The following OTUD7A variants were observed in gnomAD, a reference collection of about 807,000 sequenced individuals.
OTUD7A encodes OTU domain-containing protein 7A.
In OTUD7A, 12 loss-of-function variants were observed where a neutral mutation model predicts 65.7. The observed-to-expected ratio is 0.18, with a 90% CI of 0.12 to 0.30. The LOEUF (loss-of-function observed/expected upper bound fraction) is 0.30, where lower values mean the gene tolerates loss of function less well. Ranked by LOEUF, OTUD7A falls within the 10% of genes least tolerant of loss-of-function variation. OTUD7A has a pLI of 1.00. For synonymous variants in OTUD7A, 641 were observed against 586.3 expected (o/e 1.09, Z -1.35); for missense variants, 1,148 against 1,304.8 (o/e 0.88, Z 1.85).
At chr15:31,837,372 C>CAAAAAAAAAAAAAAAAA (rs57479397) in intron 1 of OTUD7A, among the ~76,000 whole-genome samples, 1 of 120,322 alleles carries the variant, frequency 8.3e-6, no homozygotes, top group Non-Finnish European at 1.7e-5. Flanking sequence ...ACTAAAAATA[C>CAAAAAAAAAAAAAAAAA]AAAAAAAAAA....
At chr15:31,818,878 T>C (rs1409393196) in intron 1 of OTUD7A, among the ~76,000 whole-genome samples, 1 of 152,144 alleles carries the variant, frequency 6.6e-6, no homozygotes, top group Admixed American at 6.5e-5. Context: ...GGTGGAGAGT[T>C]TGGTAAAACT....
intron 1 of OTUD7A, among the ~76,000 whole-genome samples, chr15:31,786,065 A>G (rs1041050295): frequency 6.6e-6 from 1 of 152,098 alleles, no homozygotes; most frequent in African/African-American, 2.4e-5. Flanking sequence ...AGAGGAAGAG[A>G]GACCTGAGCC....
At chr15:31,626,540 A>C (rs1243113084) in intron 3 of OTUD7A, among the ~76,000 whole-genome samples, 1 of 152,112 alleles carries the variant, frequency 6.6e-6, no homozygotes, top group Non-Finnish European at 1.5e-5. Context: ...AGCTAGAAAA[A>C]TCCATTTGGA....
At chr15:31,712,053 C>A (rs1217529076) in intron 1 of OTUD7A, among the ~76,000 whole-genome samples, 1 of 151,616 alleles carries the variant, frequency 6.6e-6, no homozygotes, top group Non-Finnish European at 1.5e-5. Context: ...CAAGAGTGAC[C>A]CTCCTGAGTG....
At chr15:31,599,669 A>G (rs1890016803) in intron 3 of OTUD7A, among the ~76,000 whole-genome samples, 1 of 152,218 alleles carries the variant, frequency 6.6e-6, no homozygotes, top group Non-Finnish European at 1.5e-5. Context: ...TAGGCTTCAG[A>G]AAGTGGGTAA....
chr15:31,787,299 A>G (rs1424848958), intron 1 of OTUD7A, among the ~76,000 whole-genome samples: 1 of 152,226 alleles, frequency 6.6e-6, no homozygotes, highest in Non-Finnish European at 1.5e-5. Flanking sequence ...TTGGAATTTA[A>G]TTCTTAAATG....
chr15:31,736,716 AT>A (rs1241380171), intron 1 of OTUD7A, among the ~76,000 whole-genome samples: 2 of 152,208 alleles, frequency 1.3e-5, no homozygotes, highest in African/African-American at 4.8e-5. Context: ...TTTTGGATAA[AT>A]TTAAAATATA....
rs149062629 is a variant in OTUD7A, at chr15:31,797,026, AC to A, written c.-100+73480del. ...TGGGATTACAGGCGTGAGCCACGGCACCTGGCCTCAAACATTACTCTTGCAC... is the reference window on the plus strand; with the variant it reads ...TGGGATTACAGGCGTGAGCCACGGCACTGGCCTCAAACATTACTCTTGCAC... On this transcript the variant is annotated intron_variant, in intron 1 of 12. Coordinates refer to ENST00000307050, the MANE Select transcript of OTUD7A (RefSeq NM_001382637.1). 3.9e-3 allele frequency among the ~76,000 whole-genome samples: 588 copies of A among 152,300 alleles called. 2 individuals are homozygous for A. The highest frequency in any genetic ancestry group is 0.014 in the African/African-American group (569 of 41,560).
chr15:31,612,016 G>C (rs1234466884), intron 3 of OTUD7A, among the ~76,000 whole-genome samples: 2 of 152,124 alleles, frequency 1.3e-5, no homozygotes, highest in Non-Finnish European at 2.9e-5. Context: ...TGATAAATGT[G>C]ATACACCACA....
chr15:31,631,627 TG>T (rs1164254728), intron 3 of OTUD7A, among the ~76,000 whole-genome samples: 1 of 152,196 alleles, frequency 6.6e-6, no homozygotes, highest in African/African-American at 2.4e-5. Context: ...TGAATCTGAA[TG>T]TTTGCCTGCC....
At chr15:31,834,678 T>C (rs148978954) in intron 1 of OTUD7A, among the ~76,000 whole-genome samples, 186 of 152,350 alleles carry the variant, frequency 1.2e-3, no homozygotes, top group African/African-American at 4.3e-3. Flanking sequence ...GCACTATACA[T>C]GACTCAAGAC....
intron 3 of OTUD7A, among the ~76,000 whole-genome samples, chr15:31,628,908 C>G (rs1056773283): frequency 6.6e-6 from 1 of 152,092 alleles, no homozygotes; most frequent in East Asian, 1.9e-4. Flanking sequence ...GTTATTGGTG[C>G]ATAAGAATGC....
chr15:31,785,728 C>G (rs568496818), intron 1 of OTUD7A, among the ~76,000 whole-genome samples: 1 of 152,198 alleles, frequency 6.6e-6, no homozygotes, highest in African/African-American at 2.4e-5. Context: ...GCAGTGAGAG[C>G]CTGCCCTATT....
At chr15:31,525,323 A>C (rs2041996009) in intron 8 of OTUD7A, among the ~76,000 whole-genome samples, 3 of 152,246 alleles carry the variant, frequency 2.0e-5, no homozygotes. Context: ...GTATGGACAT[A>C]ACATAGCCTT....
At chr15:31,835,443 G>C (rs994822532) in intron 1 of OTUD7A, among the ~76,000 whole-genome samples, 5 of 152,124 alleles carry the variant, frequency 3.3e-5, no homozygotes, top group African/African-American at 1.2e-4. Context: ...TCTTTCAGCT[G>C]GGCACCATAG....
Position 31,526,372 on chromosome 15 carries a change from G to T in OTUD7A, c.870C>A (p.Ser290Arg). ...ACCCCCCGCCCGTGCCGCCATTCTT[G>T]CTGAAGTGTGTGCGCGGCTCGCTGG... is the stretch of plus-strand genomic sequence containing the variant. ...LASSEPRTHF[S>R]KNGGTGGGVD... is the part of the protein sequence containing the mutation. The change falls in exon 8 of 13, where the codon AGC (serine) becomes AGA (arginine). Residue 290 changes from serine (S) to arginine (R), a missense_variant. Coordinates refer to ENST00000307050, the MANE Select transcript of OTUD7A (RefSeq NM_001382637.1). The T allele has an allele frequency of 6.2e-7, 1 of 1,600,268 alleles. No individual in the cohort carries two copies.
chr15:31,686,739 A>G (rs1453186507), intron 1 of OTUD7A, among the ~76,000 whole-genome samples: 2 of 152,232 alleles, frequency 1.3e-5, no homozygotes, highest in Non-Finnish European at 2.9e-5. Context: ...TGCCCCAGAA[A>G]GCAGAGGAAC....
intron 1 of OTUD7A, among the ~76,000 whole-genome samples, chr15:31,694,514 A>G (rs1486495335): frequency 6.6e-6 from 1 of 152,192 alleles, no homozygotes; most frequent in African/African-American, 2.4e-5. Flanking sequence ...ATTTTTAAGG[A>G]TACATCGTTA....
chr15:31,555,339 A>C (rs973475741), intron 5 of OTUD7A, among the ~76,000 whole-genome samples: 2 of 152,178 alleles, frequency 1.3e-5, no homozygotes, highest in Non-Finnish European at 2.9e-5. Context: ...TTTTTTACTA[A>C]ATAATTTTTT....
Sources: allele counts gnomAD v4.1 joint callset (sites outside exome capture counted in the v4.1 genomes callset), GRCh38; gene constraint gnomAD v4.1.1; transcripts MANE v1.5; gene names NCBI Gene and HGNC (gene_info 2026-07-23, HGNC 2026-07-21).